The following DCC variants were observed in gnomAD, a reference collection of about 807,000 sequenced individuals.
DCC encodes netrin receptor DCC.
In DCC, 58 loss-of-function variants were observed where a neutral mutation model predicts 172.5. The ratio of observed to expected loss-of-function variants is 0.34; its 90% CI spans 0.27 to 0.42. The LOEUF (loss-of-function observed/expected upper bound fraction) is 0.42. Among genes scored for constraint, DCC ranks in the 10% least tolerant of loss-of-function variants. The pLI, the probability that DCC is intolerant of heterozygous loss-of-function variation, is 1.00. For synonymous variants in DCC, 709 were observed against 644.5 expected (o/e 1.10, Z -1.52); for missense variants, 1,740 against 1,791.0 (o/e 0.97, Z 0.51).
At chr18:52,657,897 T>G (rs1303863316) in intron 1 of DCC, among the ~76,000 whole-genome samples, 1 of 152,202 alleles carries the variant, frequency 6.6e-6, no homozygotes, top group Non-Finnish European at 1.5e-5. Flanking sequence ...ATCTCAACTT[T>G]CATGGTAAAA....
chr18:52,939,007 T>G (rs911053245), intron 5 of DCC, among the ~76,000 whole-genome samples: 1 of 152,186 alleles, frequency 6.6e-6, no homozygotes, highest in South Asian at 2.1e-4. Flanking sequence ...GGGATGCACC[T>G]TCGTAGAAAC....
At chr18:53,376,167 G>A (rs762443069) in intron 15 of DCC, among the ~76,000 whole-genome samples, 24 of 152,072 alleles carry the variant, frequency 1.6e-4, no homozygotes, top group Non-Finnish European at 3.1e-4. Flanking sequence ...TGAGGCAGGC[G>A]GATCACTTGA....
At chr18:52,366,066 C>A (rs1303444850) in intron 1 of DCC, among the ~76,000 whole-genome samples, 2 of 152,116 alleles carry the variant, frequency 1.3e-5, no homozygotes, top group Non-Finnish European at 2.9e-5. Context: ...CATTTTACAA[C>A]CTTTGTAATG....
chr18:53,244,567 A>T (rs1254347499), intron 12 of DCC, among the ~76,000 whole-genome samples: 1 of 152,142 alleles, frequency 6.6e-6, no homozygotes, highest in African/African-American at 2.4e-5. Context: ...ACTGAAGAAT[A>T]CAAGATGACT....
intron 1 of DCC, among the ~76,000 whole-genome samples, chr18:52,435,061 G>T (rs547929635): frequency 1.3e-5 from 2 of 152,318 alleles, no homozygotes; most frequent in Non-Finnish European, 2.9e-5. Flanking sequence ...ACTTGAGTTT[G>T]TCTCTCTGGT....
Position 52,910,906 on chromosome 18 carries a change from T to G in DCC, c.697+4578T>G, listed in dbSNP as rs549719015. Reference sequence around the variant, plus strand: ...ATATACATGATTTTTGTCTATATTTTTATTAAAATAAATATTAGCAGAAAC... The same window carrying G: ...ATATACATGATTTTTGTCTATATTTGTATTAAAATAAATATTAGCAGAAAC... On this transcript the variant is annotated intron_variant, in intron 3 of 28. Transcript: ENST00000442544. 4.6e-5 allele frequency among the ~76,000 whole-genome samples: 7 copies of G among 152,270 alleles called. No homozygotes were observed. In the East Asian group the frequency reaches 1.3e-3, roughly 29 times the overall value.
chr18:52,645,925 G>A (rs2035009491), intron 1 of DCC, among the ~76,000 whole-genome samples: 1 of 152,166 alleles, frequency 6.6e-6, no homozygotes, highest in East Asian at 1.9e-4. Flanking sequence ...CAAAGCATTT[G>A]CATTTGGAGG....
chr18:52,953,982 T>A (rs2040700402), intron 5 of DCC, among the ~76,000 whole-genome samples: 1 of 152,236 alleles, frequency 6.6e-6, no homozygotes, highest in African/African-American at 2.4e-5. Flanking sequence ...TGCCCTGATA[T>A]GTTTAAATTA....
chr18:52,493,489 G>A (rs751887472), intron 1 of DCC, among the ~76,000 whole-genome samples: 4 of 151,970 alleles, frequency 2.6e-5, no homozygotes, highest in East Asian at 1.9e-4. Context: ...TATTATAATC[G>A]TAATAGTTTA....
At chr18:53,046,326 C>T (rs935873361) in intron 5 of DCC, among the ~76,000 whole-genome samples, 1 of 151,652 alleles carries the variant, frequency 6.6e-6, no homozygotes, top group East Asian at 1.9e-4. Context: ...TTAAGCAATG[C>T]ATTAATGCTT....
At chr18:53,459,679 G>T (rs892888370) in intron 24 of DCC, among the ~76,000 whole-genome samples, 1 of 151,838 alleles carries the variant, frequency 6.6e-6, no homozygotes, top group Admixed American at 6.6e-5. Flanking sequence ...TTATAATTTT[G>T]ATAATTCTTG....
chr18:53,312,112 A>T (rs1055152636), intron 13 of DCC, among the ~76,000 whole-genome samples: 1 of 149,926 alleles, frequency 6.7e-6, no homozygotes, highest in Non-Finnish European at 1.5e-5. Flanking sequence ...GATCGAGACC[A>T]TCCTGTCTAA....
At chr18:52,661,930 T>C (rs1405588093) in intron 1 of DCC, among the ~76,000 whole-genome samples, 1 of 152,082 alleles carries the variant, frequency 6.6e-6, no homozygotes, top group Non-Finnish European at 1.5e-5. Context: ...TAAGAAAAAG[T>C]GTTCAGAAAT....
At chr18:52,420,638 T>C (rs1185898848) in intron 1 of DCC, among the ~76,000 whole-genome samples, 1 of 152,044 alleles carries the variant, frequency 6.6e-6, no homozygotes, top group African/African-American at 2.4e-5. Context: ...TGGGAAATCA[T>C]GGGGCCAGAT....
At chr18:52,662,868 T>C (rs1568280756) in intron 1 of DCC, among the ~76,000 whole-genome samples, 1 of 152,138 alleles carries the variant, frequency 6.6e-6, no homozygotes, top group African/African-American at 2.4e-5. Flanking sequence ...TGTGTCCTCA[T>C]GTGGTGGAAG....
chr18:52,908,458 A>G (rs1033778085), intron 3 of DCC, among the ~76,000 whole-genome samples: 2 of 152,232 alleles, frequency 1.3e-5, no homozygotes, highest in Non-Finnish European at 2.9e-5. Context: ...ATTATTAATA[A>G]TGCATCTGTT....
chr18:53,459,036 C>T (rs573979687), intron 23 of DCC, among the ~76,000 whole-genome samples, 196 bp from the exon 24 acceptor site: 1 of 152,288 alleles, frequency 6.6e-6, no homozygotes, highest in East Asian at 1.9e-4. Context: ...GCACTGCATC[C>T]TTTATAATGT....
chr18:52,841,583 G>A (rs992253324), intron 2 of DCC, among the ~76,000 whole-genome samples: 4 of 152,148 alleles, frequency 2.6e-5, no homozygotes, highest in African/African-American at 9.7e-5. Context: ...CATGTAGTGA[G>A]AAGTAGTGAG....
intron 1 of DCC, among the ~76,000 whole-genome samples, chr18:52,474,182 T>G (rs956783036): frequency 8.3e-5 from 12 of 144,116 alleles, no homozygotes; most frequent in Non-Finnish European, 7.5e-5. Flanking sequence ...CACTTCAACT[T>G]TCCATACATA....
Sources: allele counts gnomAD v4.1 joint callset (sites outside exome capture counted in the v4.1 genomes callset), GRCh38; gene constraint gnomAD v4.1.1; transcripts MANE v1.5; gene names NCBI Gene and HGNC (gene_info 2026-07-23, HGNC 2026-07-21).